PTPN21: variants seen among roughly 807,000 people sequenced by gnomAD.
The protein encoded by PTPN21 is protein tyrosine phosphatase non-receptor type 21.
A neutral mutation model predicts 131.8 loss-of-function variants in PTPN21; 77 were observed. The observed-to-expected ratio is 0.58, with a 90% CI of 0.49 to 0.71. PTPN21 has a LOEUF of 0.71. Ranked by LOEUF, PTPN21 falls within the 30% of genes least tolerant of loss-of-function variation. The pLI is 0.00. For synonymous variants in PTPN21, 715 were observed against 621.3 expected, an observed-to-expected ratio of 1.15 and a Z score of -2.24; for missense variants, 1,552 against 1,527.1, an observed-to-expected ratio of 1.02 and a Z score of -0.27.
intron 15 of PTPN21, among the ~76,000 whole-genome samples, chr14:88,471,453 G>A (rs938317865): frequency 6.6e-6 from 1 of 152,132 alleles, no homozygotes; most frequent in African/African-American, 2.4e-5. Context: ...ATACACTAGG[G>A]AAGGACAGCC....
intron 1 of PTPN21, among the ~76,000 whole-genome samples, chr14:88,552,844 A>G (rs2078885952): frequency 6.6e-6 from 1 of 152,260 alleles, no homozygotes; most frequent in Non-Finnish European, 1.5e-5. Context: ...GCTTTTAACT[A>G]GAAAATTGAT....
intron 2 of PTPN21, among the ~76,000 whole-genome samples, chr14:88,520,210 G>C (rs2078368082): frequency 6.6e-6 from 1 of 152,150 alleles, no homozygotes; most frequent in Non-Finnish European, 1.5e-5. Flanking sequence ...GAGCCCAGGA[G>C]TTTGAGACCA....
chr14:88,478,489 G>T (rs1384052763), intron 13 of PTPN21, among the ~76,000 whole-genome samples: 1 of 152,128 alleles, frequency 6.6e-6, no homozygotes, highest in Non-Finnish European at 1.5e-5. Flanking sequence ...CACTTTCCTG[G>T]ATGCTTTTTT....
chr14:88,536,399 G>T (rs1000015483), intron 2 of PTPN21, among the ~76,000 whole-genome samples: 2 of 152,180 alleles, frequency 1.3e-5, no homozygotes, highest in African/African-American at 4.8e-5. Flanking sequence ...AACAAACTTG[G>T]CTTCTTTTCA....
intron 10 of PTPN21, chr14:88,493,266 A>AG (rs1394709172): frequency 3.0e-6 from 1 of 331,692 alleles, no homozygotes; most frequent in African/African-American, 2.2e-5. Context: ...TAAAAGAGGT[A>AG]GAAAAAACAA....
At chr14:88,474,131 C>CAAAAAAAAAAAAAAAA (rs754719071) in intron 13 of PTPN21, among the ~76,000 whole-genome samples, 2 of 46,684 alleles carry the variant, frequency 4.3e-5, no homozygotes, top group African/African-American at 7.9e-5. Flanking sequence ...AGCTGAAGTC[C>CAAAAAAAAAAAAAAAA]AAAAAAAAAA....
Position 88,550,241 on chromosome 14 carries a change from CCG to C in PTPN21, c.175_176del (p.Arg59GlyfsTer31). ...GCAGTGTCTTTAGGTGGCTTACCTC[CCG>C]CAGCTCCAGCCTCTGGGCCACGGCC... The part of the protein sequence containing the change: ...LEAVAQRLEL[R>X]EVTYFSLWYY... On this transcript the variant is annotated frameshift_variant, in exon 2 of 19. Transcript: ENST00000556564. LOFTEE classifies it high-confidence loss of function. The C allele has an allele frequency of 6.2e-7, 1 of 1,613,180 alleles. No homozygotes were observed. Among genetic ancestry groups the C allele is most frequent in the Non-Finnish European group, 8.5e-7 (1 of 1,179,662 alleles).
At chr14:88,511,757 G>A (rs779687591) in intron 3 of PTPN21, among the ~76,000 whole-genome samples, 3 of 152,086 alleles carry the variant, frequency 2.0e-5, no homozygotes, top group South Asian at 2.1e-4. Context: ...GAAATTGCAC[G>A]TTTTGATTCA....
intron 13 of PTPN21, among the ~76,000 whole-genome samples, chr14:88,477,125 C>T (rs1435937470): frequency 6.6e-6 from 1 of 151,442 alleles, no homozygotes; most frequent in African/African-American, 2.4e-5. Context: ...AATCTACCCA[C>T]ACCTTATCCT....
chr14:88,554,409 T>TTC (rs1187926635), intron 1 of PTPN21, among the ~76,000 whole-genome samples: 38 of 152,262 alleles, frequency 2.5e-4, no homozygotes, highest in African/African-American at 9.1e-4. Context: ...CCCGCAACAA[T>TTC]CGGCCAGGGC....
intron 3 of PTPN21, among the ~76,000 whole-genome samples, chr14:88,515,699 C>T (rs2078258735): frequency 6.6e-6 from 1 of 152,146 alleles, no homozygotes; most frequent in African/African-American, 2.4e-5. Flanking sequence ...CCTAGGAATC[C>T]ACAGCTTTAA....
Position 88,468,201 on chromosome 14 carries a change from A to G in PTPN21, c.3461T>C (p.Leu1154Pro), listed in dbSNP as rs954847570. ...TCTGTACACAAATGTGTACTGGCAG[A>G]GAGTCTGCACCAGCATCATTCTCTG... ...RQQRMMLVQTLCQYTFVYRVL... is the reference protein window; with the variant it reads ...RQQRMMLVQTPCQYTFVYRVL... Residue 1154 changes from leucine to proline, a missense_variant, in exon 19 of 19, where the codon CTC becomes CCC. Coordinates refer to ENST00000556564, the MANE Select transcript of PTPN21 (RefSeq NM_007039.4). 6.2e-7 allele frequency: 1 copy of G among 1,612,470 alleles called. No individual in the cohort carries two copies. Among genetic ancestry groups the G allele is most frequent in the African/African-American group, 1.3e-5 (1 of 75,008 alleles).
At chr14:88,519,331 G>C (rs1194014568) in intron 2 of PTPN21, among the ~76,000 whole-genome samples, 1 of 152,176 alleles carries the variant, frequency 6.6e-6, no homozygotes, top group East Asian at 1.9e-4. Context: ...TGTGATGATG[G>C]AAATTATCTA....
In PTPN21 at chr14:88,465,792, T is replaced by G. The variant is rs1307784704; in HGVS notation, c.*2345A>C. The G allele has an allele frequency of 6.6e-6, 1 of 152,190 alleles. No individual in the cohort carries two copies. Among genetic ancestry groups the G allele is most frequent in the Non-Finnish European group, 1.5e-5 (1 of 68,038 alleles). The allele number at this position is 152,190 out of a possible 1,614,324, so 9.4% of individuals were successfully genotyped here. On this transcript the variant is annotated 3_prime_UTR_variant, in exon 19 of 19. Transcript: ENST00000556564. ...TCAAAGCTCAGTAATGTGGATAGAT[T>G]TTTATTCAGAAATCCTTTCATATTC...
At chr14:88,534,864 G>A (rs1199446047) in intron 2 of PTPN21, among the ~76,000 whole-genome samples, 1 of 152,122 alleles carries the variant, frequency 6.6e-6, no homozygotes, top group African/African-American at 2.4e-5. Context: ...GCAACAGAGT[G>A]AGACTCTGTC....
intron 18 of PTPN21, 95 bp from the exon 19 acceptor site, chr14:88,468,360 G>T: frequency 8.3e-7 from 1 of 1,201,546 alleles, no homozygotes; most frequent in Non-Finnish European, 1.2e-6. Context: ...ACCTGGTTGG[G>T]AGATGGACAG....
At chr14:88,544,791 C>T (rs753443253) in intron 2 of PTPN21, among the ~76,000 whole-genome samples, 61 of 152,108 alleles carry the variant, frequency 4.0e-4, no homozygotes, top group East Asian at 2.7e-3. Context: ...GTCCTGGAGG[C>T]AGCAATTCTC....
chr14:88,503,316 A>G (rs2078041664), intron 6 of PTPN21, among the ~76,000 whole-genome samples: 1 of 152,168 alleles, frequency 6.6e-6, no homozygotes, highest in Non-Finnish European at 1.5e-5. Flanking sequence ...TACAGGTGTG[A>G]GCCACTGCTC....
chr14:88,536,342 C>T (rs1042684983), intron 2 of PTPN21, among the ~76,000 whole-genome samples: 2 of 152,168 alleles, frequency 1.3e-5, no homozygotes, highest in African/African-American at 4.8e-5. Context: ...TAAAATTGTA[C>T]AGATAACTGT....
Sources: gnomAD v4.1 joint callset for allele counts (sites outside exome capture counted in the v4.1 genomes callset) on GRCh38, gnomAD v4.1.1 for gene constraint, MANE v1.5 for transcripts, NCBI Gene and HGNC (gene_info 2026-07-23, HGNC 2026-07-21) for gene names.